The following CNTN4 variants were observed in gnomAD, a reference collection of about 807,000 sequenced individuals.
CNTN4 encodes contactin 4.
Under a neutral mutation model 122.5 loss-of-function variants are expected in CNTN4, and 77 were observed. That is an observed-to-expected ratio of 0.63 (90% CI 0.52 to 0.76). The LOEUF (loss-of-function observed/expected upper bound fraction) is 0.76. Ranked by LOEUF, CNTN4 falls within the 30% of genes least tolerant of loss-of-function variation. The pLI, the probability that CNTN4 is intolerant of heterozygous loss-of-function variation, is 0.00. For missense variants in CNTN4, 1,256 were observed against 1,259.1 expected (o/e 1.00, Z 0.04); for synonymous variants, 512 against 447.0 (o/e 1.15, Z -1.83).
At position 2,921,524 on chromosome 3, in the gene CNTN4, C is replaced by A. The variant is rs965545890; in HGVS notation, c.1208-4105C>A. Among the ~76,000 whole-genome samples the A allele has an allele frequency of 2.0e-5, 3 of 152,274 alleles. No individual in the cohort carries two copies. The South Asian group carries it at 6.2e-4, about 32-fold the overall frequency. ...TTTGAATTAATGCATTTACTCTAAGCTTGTTTTTAGGGAATGATGAGGTAA... is the reference window on the plus strand; with the variant it reads ...TTTGAATTAATGCATTTACTCTAAGATTGTTTTTAGGGAATGATGAGGTAA... On this transcript the variant is annotated intron_variant, in intron 12 of 24. Transcript: ENST00000418658.
intron 2 of CNTN4, among the ~76,000 whole-genome samples, chr3:2,183,180 T>G (rs1433084001): frequency 7.3e-6 from 1 of 137,308 alleles, no homozygotes; most frequent in Non-Finnish European, 1.5e-5. Context: ...AAATAAAATC[T>G]TTAACAGCTA....
rs879515819 is a variant in CNTN4 at position 2,563,919 on chromosome 3, TA to T, written c.-88-7486del. ...AGTAACTCAGAAAAAACAAGTACTA[TA>T]AAAAAAAAAAGAAAAGCAGTATACT... On this transcript the variant is annotated intron_variant, in intron 3 of 24. Transcript: ENST00000418658. Among the ~76,000 whole-genome samples, 1,275 of 140,992 alleles carry T rather than the reference TA, an allele frequency of 9.0e-3. 17 individuals are homozygous for T. Among genetic ancestry groups the T allele is most frequent in the African/African-American group, 0.027 (1,038 of 38,674 alleles). The allele number at this position is 140,992 out of a possible 152,430, so 92.5% of individuals were successfully genotyped here.
Position 2,356,881 on chromosome 3 carries a change from C to T in CNTN4, c.-89+17648C>T, listed in dbSNP as rs545653620. Among the ~76,000 whole-genome samples, 8 of 152,326 alleles carry T rather than the reference C, an allele frequency of 5.3e-5. No homozygotes were observed. In the South Asian group the frequency reaches 1.2e-3, roughly 24 times the overall value. On this transcript the variant is annotated intron_variant, in intron 3 of 24. Coordinates refer to ENST00000418658, the MANE Select transcript of CNTN4 (RefSeq NM_175607.3). ...CTTTGGCCTTCTTTGGAATATCTAG[C>T]TTCTTAACTAAGAATAAATTTTTAT...
intron 5 of CNTN4, among the ~76,000 whole-genome samples, chr3:2,743,874 G>C (rs2089604104): frequency 6.6e-6 from 1 of 152,120 alleles, no homozygotes; most frequent in African/African-American, 2.4e-5. Flanking sequence ...GCAGTGGTGT[G>C]ACCTTGGCTC....
At chr3:2,618,937 A>C (rs138832912) in intron 4 of CNTN4, among the ~76,000 whole-genome samples, 2 of 152,200 alleles carry the variant, frequency 1.3e-5, no homozygotes, top group East Asian at 3.8e-4. Flanking sequence ...CCAACAGATC[A>C]TTGCAGAGAC....
At chr3:2,616,015 G>A (rs953914564) in intron 4 of CNTN4, among the ~76,000 whole-genome samples, 5 of 134,414 alleles carry the variant, frequency 3.7e-5, no homozygotes, top group Admixed American at 7.7e-5. Context: ...AGTTCCTCAG[G>A]CTGCCTTTTT....
rs763256994 is a variant in CNTN4, at chr3:3,053,769, A to G, written c.2812-38A>G. ...ATGCTCCATATTTGGGACCTTTGTG[A>G]AGACGGCAGGTGACACCTGTTCTTT... is the stretch of plus-strand genomic sequence containing the variant. On this transcript the variant is annotated intron_variant, in intron 23 of 24. Coordinates refer to ENST00000418658, the MANE Select transcript of CNTN4 (RefSeq NM_175607.3). The G allele has an allele frequency of 5.6e-6, 9 of 1,608,978 alleles. No homozygotes were observed. The Admixed American group carries it at 1.5e-4, about 27-fold the overall frequency.
chr3:2,893,747 T>A (rs529327537), intron 10 of CNTN4, among the ~76,000 whole-genome samples: 1 of 152,308 alleles, frequency 6.6e-6, no homozygotes, highest in South Asian at 2.1e-4. Context: ...AGGCAAAATG[T>A]CACAGTTACA....
intron 4 of CNTN4, among the ~76,000 whole-genome samples, chr3:2,706,984 G>C (rs1310755633): frequency 6.6e-6 from 1 of 152,044 alleles, no homozygotes; most frequent in Non-Finnish European, 1.5e-5. Context: ...GTATGTGTGT[G>C]TGTGTGTGTA....
chr3:2,249,465 A>G (rs980960844), intron 2 of CNTN4, among the ~76,000 whole-genome samples: 1 of 151,976 alleles, frequency 6.6e-6, no homozygotes, highest in African/African-American at 2.4e-5. Context: ...TGTGTCTGAA[A>G]GTGAGCAGCT....
intron 6 of CNTN4, among the ~76,000 whole-genome samples, chr3:2,799,729 G>T (rs1470968421): frequency 1.3e-5 from 2 of 151,976 alleles, no homozygotes; most frequent in Non-Finnish European, 2.9e-5. Context: ...TGTATTTTTA[G>T]AAAAAAATTT....
chr3:2,113,226 C>G (rs11918663), intron 2 of CNTN4, among the ~76,000 whole-genome samples: 36,115 of 152,046 alleles, frequency 0.24, 4,455 homozygotes, highest in East Asian at 0.47. Context: ...AATTGTCCAT[C>G]AATAGGGACT....
At chr3:2,209,586 C>T (rs1234717800) in intron 2 of CNTN4, among the ~76,000 whole-genome samples, 1 of 151,976 alleles carries the variant, frequency 6.6e-6, no homozygotes, top group Non-Finnish European at 1.5e-5. Flanking sequence ...GGTAGTTTGC[C>T]ACTTACTATG....
chr3:2,347,629 C>G (rs1036744802), intron 3 of CNTN4, among the ~76,000 whole-genome samples: 2 of 151,754 alleles, frequency 1.3e-5, no homozygotes, highest in African/African-American at 4.8e-5. Flanking sequence ...AGGCTGGTCT[C>G]AAACTCCTGA....
At chr3:2,286,586 ATGT>A (rs1395039842) in intron 2 of CNTN4, among the ~76,000 whole-genome samples, 1 of 152,156 alleles carries the variant, frequency 6.6e-6, no homozygotes, top group East Asian at 1.9e-4. Flanking sequence ...TACAGCCAAA[ATGT>A]TGTATTAATG....
chr3:2,125,915 G>C (rs2034124466), intron 2 of CNTN4, among the ~76,000 whole-genome samples: 1 of 151,408 alleles, frequency 6.6e-6, no homozygotes, highest in Non-Finnish European at 1.5e-5. Flanking sequence ...GTGTGTGTGT[G>C]TGTGTGTGTG....
At chr3:2,233,616 C>A (rs1174525339) in intron 2 of CNTN4, among the ~76,000 whole-genome samples, 1 of 151,966 alleles carries the variant, frequency 6.6e-6, no homozygotes, top group Non-Finnish European at 1.5e-5. Flanking sequence ...ATCTTCAGAC[C>A]GTTTTCTTGG....
chr3:2,940,171 C>T (rs1260511322), intron 13 of CNTN4, among the ~76,000 whole-genome samples: 1 of 152,182 alleles, frequency 6.6e-6, no homozygotes. Context: ...TGGACAGACT[C>T]TTCTGATTTA....
At chr3:2,535,856 C>G (rs990284536) in intron 3 of CNTN4, among the ~76,000 whole-genome samples, 1 of 152,068 alleles carries the variant, frequency 6.6e-6, no homozygotes, top group Non-Finnish European at 1.5e-5. Flanking sequence ...AGTACACTTT[C>G]AAAATGTTTG....
Sources: allele counts gnomAD v4.1 joint callset (sites outside exome capture counted in the v4.1 genomes callset), GRCh38; gene constraint gnomAD v4.1.1; transcripts MANE v1.5; gene names NCBI Gene and HGNC (gene_info 2026-07-23, HGNC 2026-07-21).